NBEA: variants seen among roughly 807,000 people sequenced by gnomAD.
NBEA encodes the protein lysosomal-trafficking regulator 2.
NBEA carries 44 observed loss-of-function variants against 343.4 expected under a neutral mutation model. The observed-to-expected ratio is 0.13, with a 90% CI of 0.10 to 0.16. The LOEUF (loss-of-function observed/expected upper bound fraction) is 0.16, where lower values mean the gene tolerates loss of function less well. Among genes scored for constraint, NBEA ranks in the 10% least tolerant of loss-of-function variants. NBEA has a pLI of 1.00. For synonymous variants in NBEA, 1,175 were observed against 1,238.7 expected (o/e 0.95, Z 1.08); for missense variants, 2,555 against 3,631.3 (o/e 0.70, Z 7.62).
chr13:35,260,910 C>T (rs2033150790), intron 34 of NBEA, among the ~76,000 whole-genome samples: 1 of 152,144 alleles, frequency 6.6e-6, no homozygotes, highest in South Asian at 2.1e-4. Flanking sequence ...TTTTCTAGAA[C>T]CATTCAAGTC....
chr13:35,290,927 G>T (rs1293987874), intron 35 of NBEA, among the ~76,000 whole-genome samples: 1 of 151,544 alleles, frequency 6.6e-6, no homozygotes, highest in Admixed American at 6.6e-5. Context: ...AATGTAATTT[G>T]TATATGTCAG....
At chr13:35,578,664 G>A (rs754674444) in intron 45 of NBEA, among the ~76,000 whole-genome samples, 9 of 152,142 alleles carry the variant, frequency 5.9e-5, no homozygotes, top group East Asian at 1.9e-4. Flanking sequence ...GAAAATGGAT[G>A]TGAAGACAAT....
At chr13:35,613,871 G>A (rs572121735) in intron 48 of NBEA, among the ~76,000 whole-genome samples, 56 of 152,238 alleles carry the variant, frequency 3.7e-4, no homozygotes, top group African/African-American at 1.3e-3. Flanking sequence ...AAAATGCTGG[G>A]ATTACAGGCA....
intron 46 of NBEA, among the ~76,000 whole-genome samples, chr13:35,587,300 T>C (rs2081333741): frequency 6.6e-6 from 1 of 152,128 alleles, no homozygotes; most frequent in African/African-American, 2.4e-5. Context: ...AGCTACACAG[T>C]CAATTTGAGT....
intron 10 of NBEA, among the ~76,000 whole-genome samples, chr13:35,084,994 G>A (rs2064659891): frequency 6.6e-6 from 1 of 152,026 alleles, no homozygotes; most frequent in Non-Finnish European, 1.5e-5. Context: ...AGAAATGGAT[G>A]AATTCCTCGA....
chr13:35,509,941 T>C (rs1289367750), intron 41 of NBEA, among the ~76,000 whole-genome samples: 1 of 152,190 alleles, frequency 6.6e-6, no homozygotes, highest in Admixed American at 6.5e-5. Flanking sequence ...GGGGAGCTCA[T>C]TTCAGTTTAT....
chr13:34,963,429 A>G (rs2059720963), intron 1 of NBEA, among the ~76,000 whole-genome samples: 1 of 151,960 alleles, frequency 6.6e-6, no homozygotes, highest in African/African-American at 2.4e-5. Flanking sequence ...TCCAAATGCA[A>G]TGCCATTAGG....
At chr13:35,232,659 T>G in intron 34 of NBEA, 40 bp downstream of exon 34, 5 of 1,362,798 alleles carry the variant, frequency 3.7e-6, no homozygotes, top group Non-Finnish European at 4.9e-6. Flanking sequence ...TTTCCTATAA[T>G]GTATGTATTA....
rs190296899 is a variant in NBEA at position 35,604,384 on chromosome 13, C to T, written c.7297-2042C>T. Among the ~76,000 whole-genome samples, 575 of 152,140 alleles carry T rather than the reference C, an allele frequency of 3.8e-3. 1 individual carries two copies. The highest frequency in any genetic ancestry group is 0.013 in the African/African-American group (539 of 41,516). ...TCTTGTACATAGTTTATTGTTGATA[C>T]ACATTTGGCCCCTAGTGTGAGCCAT... On this transcript the variant is annotated intron_variant, in intron 47 of 58. Coordinates refer to ENST00000379939, the MANE Select transcript of NBEA (RefSeq NM_001385012.1).
At chr13:35,239,200 G>A (rs1566502959) in intron 34 of NBEA, among the ~76,000 whole-genome samples, 1 of 152,002 alleles carries the variant, frequency 6.6e-6, no homozygotes, top group Non-Finnish European at 1.5e-5. Flanking sequence ...ACAATGAATG[G>A]ACATTTACAA....
At chr13:35,261,446 G>T (rs528233549) in intron 34 of NBEA, among the ~76,000 whole-genome samples, 36 of 152,226 alleles carry the variant, frequency 2.4e-4, no homozygotes, top group African/African-American at 7.7e-4. Context: ...GGGAGGTGGA[G>T]GTTGCAGTGA....
chr13:35,077,273 G>T (rs897411045), intron 10 of NBEA, among the ~76,000 whole-genome samples: 11 of 151,968 alleles, frequency 7.2e-5, no homozygotes, highest in African/African-American at 2.4e-4. Context: ...CTTCAATTTA[G>T]GCTTATACAC....
intron 41 of NBEA, among the ~76,000 whole-genome samples, chr13:35,527,374 T>C (rs185790110): frequency 3.2e-3 from 486 of 152,274 alleles, no homozygotes; most frequent in Non-Finnish European, 6.1e-3. Flanking sequence ...AAGGTGGGGT[T>C]TCACCAGGGA....
chr13:35,262,869 G>C (rs1419944472), intron 34 of NBEA, among the ~76,000 whole-genome samples: 1 of 152,144 alleles, frequency 6.6e-6, no homozygotes, highest in Non-Finnish European at 1.5e-5. Context: ...CCATGTTCAT[G>C]GGTTGGAAGA....
At chr13:35,520,559 A>T (rs904802920) in intron 41 of NBEA, among the ~76,000 whole-genome samples, 5 of 152,192 alleles carry the variant, frequency 3.3e-5, no homozygotes, top group African/African-American at 1.2e-4. Flanking sequence ...CCAGGGTTAC[A>T]GGAGCATGGT....
At chr13:35,187,570 T>G (rs1254497675) in intron 30 of NBEA, among the ~76,000 whole-genome samples, 1 of 151,796 alleles carries the variant, frequency 6.6e-6, no homozygotes. Flanking sequence ...AAAGTTAAAA[T>G]GCCTTAACAT....
intron 58 of NBEA, among the ~76,000 whole-genome samples, chr13:35,669,220 T>C (rs974952920): frequency 1.3e-5 from 2 of 152,184 alleles, no homozygotes; most frequent in Non-Finnish European, 1.5e-5. Context: ...AAAGTGAAAA[T>C]AATATTAGAA....
Position 35,208,793 on chromosome 13 carries a change from C to T in NBEA, c.5460C>T (p.Gly1820=), listed in dbSNP as rs374087315. 5.1e-5 allele frequency: 82 copies of T among 1,610,266 alleles called. No individual in the cohort carries two copies. Among genetic ancestry groups the T allele is most frequent in the Non-Finnish European group, 6.7e-5 (79 of 1,177,874 alleles). The change falls in exon 32 of 59, where the codon GGC becomes GGT. Residue 1820 remains glycine, a synonymous_variant. Transcript: ENST00000379939. ...ATTAGSGLPT[G]STSNIFAATG... ...CTGCTGGAAGTGGGCTGCCAACAGG[C>T]AGTACCTCTAATATATTTGCTGCTA...
At chr13:35,498,770 C>A (rs1188581655) in intron 41 of NBEA, among the ~76,000 whole-genome samples, 4 of 152,082 alleles carry the variant, frequency 2.6e-5, no homozygotes, top group African/African-American at 9.7e-5. Flanking sequence ...AGTTTAATTA[C>A]ATGATATCTG....
Sources: allele counts gnomAD v4.1 joint callset (sites outside exome capture counted in the v4.1 genomes callset), GRCh38; gene constraint gnomAD v4.1.1; transcripts MANE v1.5; gene names NCBI Gene and HGNC (gene_info 2026-07-23, HGNC 2026-07-21).